The following FCHSD1 variants were observed in gnomAD, a reference collection of about 807,000 sequenced individuals.
The protein encoded by FCHSD1 is FCH and double SH3 domains 1, also known as F-BAR and double SH3 domains protein 1.
A neutral mutation model predicts 101.3 loss-of-function variants in FCHSD1; 109 were observed. That is an observed-to-expected ratio of 1.08 (90% CI 0.92 to 1.26). FCHSD1 has a LOEUF of 1.26. Among genes scored for constraint, FCHSD1 ranks in the 50% most tolerant of loss-of-function variants. The probability of loss-of-function intolerance (pLI) is 0.00; values close to 1 mark genes in which losing one functional copy is unlikely to be tolerated. For synonymous variants in FCHSD1, 291 were observed against 356.8 expected, an observed-to-expected ratio of 0.82 and a Z score of 2.08; for missense variants, 820 against 895.8, an observed-to-expected ratio of 0.92 and a Z score of 1.08.
chr5:141,646,404 C>T, intron 11 of FCHSD1, 199 bp downstream of exon 11: 1 of 994,596 alleles, frequency 1.0e-6, no homozygotes. Flanking sequence ...AACTAGGAAG[C>T]AACAGAAGAG....
rs1410552956 is a variant in FCHSD1 at position 141,639,396 on chromosome 5, A to T, written c.*2102T>A. ...GGGGTTTTAAGGAGCATGCTGAAAG[A>T]ACGTAAGAAACAAAACATGAAGGGA... is the stretch of plus-strand genomic sequence containing the variant. On this transcript the variant is annotated 3_prime_UTR_variant, in exon 20 of 20. Coordinates refer to ENST00000435817, the MANE Select transcript of FCHSD1 (RefSeq NM_033449.3). This position sits in a 1 kb window ranked among gnomAD's most constrained non-coding sequence, Gnocchi z 4.4. The T allele has an allele frequency of 7.3e-7, 1 of 1,362,662 alleles. No homozygotes were observed. Among genetic ancestry groups the T allele is most frequent in the African/African-American group, 1.5e-5 (1 of 68,690 alleles). The allele number at this position is 1,362,662 out of a possible 1,614,324, so 84.4% of individuals were successfully genotyped here.
Position 141,640,388 on chromosome 5 carries a change from G to C in FCHSD1, c.*1110C>G, listed in dbSNP as rs775287532. 9 of 1,614,022 alleles carry C rather than the reference G, an allele frequency of 5.6e-6. No individual in the cohort carries two copies. In the African/African-American group the frequency reaches 8.0e-5, roughly 14 times the overall value. On this transcript the variant is annotated 3_prime_UTR_variant, in exon 20 of 20. Transcript: ENST00000435817. Reference sequence around the variant, plus strand: ...TAGGACCTACTCCTGGTCTCTCATTGTTGACCCCTCCCCTTTCTCTCAGGT... The same window carrying C: ...TAGGACCTACTCCTGGTCTCTCATTCTTGACCCCTCCCCTTTCTCTCAGGT...
At chr5:141,648,267 T>C (rs1448356782) in intron 7 of FCHSD1, among the ~76,000 whole-genome samples, 171 bp from the exon 8 acceptor site, 1 of 152,212 alleles carries the variant, frequency 6.6e-6, no homozygotes, top group East Asian at 1.9e-4. Context: ...AATCTTCTAG[T>C]GCCTTCTGCA....
At position 141,645,791 on chromosome 5, in the gene FCHSD1, G is replaced by C. The variant is rs1481549056; in HGVS notation, c.1291C>G (p.Gln431Glu). 6.2e-7 allele frequency: 1 copy of C among 1,611,342 alleles called. No individual in the cohort carries two copies. The highest frequency in any genetic ancestry group is 2.2e-5 in the East Asian group (1 of 44,778). ...CTCACGGTTGGAGAGAGGTCCCTCT[G>C]GGACAGCCGAGCCTCACTGAGCCGC... ...ERRLSEARLS[Q>E]RDLSPTAEDA... is the part of the protein sequence containing the mutation. The change falls in exon 13 of 20, where the codon CAG becomes GAG. Residue 431 changes from glutamine (Q) to glutamate (E), a missense_variant. Physicochemically the swap from Gln to Glu is conservative, Grantham distance 29 (BLOSUM62 2). Coordinates refer to ENST00000435817, the MANE Select transcript of FCHSD1 (RefSeq NM_033449.3).
chr5:141,642,817 A>G, intron 18 of FCHSD1, 184 bp downstream of exon 18: 1 of 583,518 alleles, frequency 1.7e-6, no homozygotes, highest in Non-Finnish European at 3.0e-6. Context: ...GAATCCCACC[A>G]CACACTTGGA....
At position 141,649,447 on chromosome 5, in the gene FCHSD1, CG is replaced by C. The variant is rs759094833; in HGVS notation, c.322del (p.Arg108ValfsTer3). Reference sequence around the variant, plus strand: ...CCGCCCTGTACCCCCTGCTAGGTCACGGTATCGGTCAGACGCCTGGAGTCGG... The same window carrying C: ...CCGCCCTGTACCCCCTGCTAGGTCACGTATCGGTCAGACGCCTGGAGTCGG... ...QTRLQASDRY[R>X]DLAGGTGRSA... On this transcript the variant is annotated frameshift_variant, in exon 5 of 20. Coordinates refer to ENST00000435817, the MANE Select transcript of FCHSD1 (RefSeq NM_033449.3). LOFTEE classifies it high-confidence loss of function. This position sits in a 1 kb window ranked among gnomAD's most constrained non-coding sequence, Gnocchi z 4.1. 3 of 1,614,012 alleles carry C rather than the reference CG, an allele frequency of 1.9e-6. No homozygotes were observed. The Admixed American group carries it at 5.0e-5, about 27-fold the overall frequency.
At position 141,647,503 on chromosome 5, in the gene FCHSD1, C is replaced by G; in HGVS notation, c.723G>C (p.Leu241=). The change falls in exon 9 of 20, where the codon CTG becomes CTC. Residue 241 remains leucine, a synonymous_variant. Transcript: ENST00000435817. ...TCAGGGGGTCCCTCAAGTGCTCTGA[C>G]AGCTCACTGACCAGGGCCTAGAGAG... The part of the protein sequence containing the change: ...PALLKALVSE[L]SEHLRDPLTS... 1 of 1,612,986 alleles carries G rather than the reference C, an allele frequency of 6.2e-7. No homozygotes were observed. The highest frequency in any genetic ancestry group is 8.5e-7 in the Non-Finnish European group (1 of 1,179,606).
Position 141,640,107 on chromosome 5 carries a change from G to C in FCHSD1, c.*1391C>G, listed in dbSNP as rs779178806. 1.2e-6 allele frequency: 2 copies of C among 1,613,848 alleles called. No homozygotes were observed. The highest frequency in any genetic ancestry group is 1.7e-5 in the Admixed American group (1 of 60,012). ...GCCCCCTGAGAGGCCACAGCCCCAG[G>C]TCCTAGCCAGCCCCCCAGTACAGAA... On this transcript the variant is annotated 3_prime_UTR_variant, in exon 20 of 20. Transcript: ENST00000435817.
chr5:141,640,105 A>G lies in FCHSD1; in HGVS notation c.*1393T>C, dbSNP rs757716395. 1.9e-6 allele frequency: 3 copies of G among 1,613,774 alleles called. No homozygotes were observed. The highest frequency in any genetic ancestry group is 2.5e-6 in the Non-Finnish European group (3 of 1,179,844). Reference sequence around the variant, plus strand: ...CTGCCCCCTGAGAGGCCACAGCCCCAGGTCCTAGCCAGCCCCCCAGTACAG... The same window carrying G: ...CTGCCCCCTGAGAGGCCACAGCCCCGGGTCCTAGCCAGCCCCCCAGTACAG... On this transcript the variant is annotated 3_prime_UTR_variant, in exon 20 of 20. Coordinates refer to ENST00000435817, the MANE Select transcript of FCHSD1 (RefSeq NM_033449.3).
At chr5:141,642,269 T>C (rs2099907010) in intron 18 of FCHSD1, 1 of 564,642 alleles carries the variant, frequency 1.8e-6, no homozygotes, top group Admixed American at 3.6e-5. Flanking sequence ...AAATATTGCA[T>C]GTTCTCACTT....
intron 2 of FCHSD1, 111 bp from the exon 3 acceptor site, chr5:141,650,515 G>T: frequency 8.0e-7 from 1 of 1,243,394 alleles, no homozygotes; most frequent in Non-Finnish European, 1.2e-6. Context: ...GGGGGAGCCA[G>T]GTTCCTAGAG....
Position 141,639,440 on chromosome 5 carries a change from A to G in FCHSD1, c.*2058T>C. The G allele has an allele frequency of 6.4e-7, 1 of 1,565,506 alleles. No individual in the cohort carries two copies. The highest frequency in any genetic ancestry group is 8.7e-7 in the Non-Finnish European group (1 of 1,150,150). ...GAAGGGAAATGGAAATGTTACCCTC[A>G]CTCCCCTCCTCCCTGCTGTCCAGTG... On this transcript the variant is annotated 3_prime_UTR_variant, in exon 20 of 20. Transcript: ENST00000435817. The surrounding 1 kb of genome is among the most constrained non-coding windows in gnomAD (Gnocchi z 4.4).
chr5:141,641,468 C>T lies in FCHSD1; in HGVS notation c.*30G>A, dbSNP rs1198534929. ...GACAGCTTGAAGATAGGGACAGCAGCATCACTGGGGGTCAAGGCTTCCCTG... is the reference window on the plus strand; with the variant it reads ...GACAGCTTGAAGATAGGGACAGCAGTATCACTGGGGGTCAAGGCTTCCCTG... On this transcript the variant is annotated 3_prime_UTR_variant, in exon 20 of 20. Coordinates refer to ENST00000435817, the MANE Select transcript of FCHSD1 (RefSeq NM_033449.3). 1.4e-6 allele frequency: 2 copies of T among 1,460,342 alleles called. No individual in the cohort carries two copies. Among genetic ancestry groups the T allele is most frequent in the Non-Finnish European group, 1.8e-6 (2 of 1,103,616 alleles). 90.5% of individuals were successfully genotyped at this position (1,460,342 alleles called of 1,614,324 possible).
At position 141,640,943 on chromosome 5, in the gene FCHSD1, C is replaced by A. The variant is rs1371681045; in HGVS notation, c.*555G>T. The A allele has an allele frequency of 3.9e-6, 2 of 511,500 alleles. No individual in the cohort carries two copies. Among genetic ancestry groups the A allele is most frequent in the Non-Finnish European group, 3.4e-6 (1 of 290,436 alleles). The allele number at this position is 511,500 out of a possible 1,614,324, so 31.7% of individuals were successfully genotyped here. On this transcript the variant is annotated 3_prime_UTR_variant, in exon 20 of 20. Coordinates refer to ENST00000435817, the MANE Select transcript of FCHSD1 (RefSeq NM_033449.3). ...GTGGCAGCTGGGAGCAGGCCCCTGC[C>A]CGTGGTGGGCCCCTAAAGCAATAGC...
rs760231612 is a variant in FCHSD1, at chr5:141,643,098, G to A, written c.1864-10C>T. The A allele has an allele frequency of 8.2e-6, 12 of 1,462,072 alleles. No homozygotes were observed. In the South Asian group the frequency reaches 1.5e-4, roughly 19 times the overall value. 90.6% of individuals were successfully genotyped at this position (1,462,072 alleles called of 1,614,324 possible). ...AAGGGGACGGCAGCATCTGGAGGTG[G>A]GGTGGGCACAGAGTTATTCCTGGCA... is the stretch of plus-strand genomic sequence containing the variant. On this transcript the variant is annotated splice_polypyrimidine_tract_variant and intron_variant, in intron 17 of 19. Coordinates refer to ENST00000435817, the MANE Select transcript of FCHSD1 (RefSeq NM_033449.3).
chr5:141,643,098 G>C lies in FCHSD1; in HGVS notation c.1864-10C>G, dbSNP rs760231612. 6.8e-7 allele frequency: 1 copy of C among 1,462,190 alleles called. No homozygotes were observed. The highest frequency in any genetic ancestry group is 1.4e-5 in the South Asian group (1 of 71,254). 90.6% of individuals were successfully genotyped at this position (1,462,190 alleles called of 1,614,324 possible). On this transcript the variant is annotated splice_polypyrimidine_tract_variant and intron_variant, in intron 17 of 19. Coordinates refer to ENST00000435817, the MANE Select transcript of FCHSD1 (RefSeq NM_033449.3). The stretch of plus-strand genomic sequence containing the variant: ...AAGGGGACGGCAGCATCTGGAGGTG[G>C]GGTGGGCACAGAGTTATTCCTGGCA...
rs778742907 is a variant in FCHSD1 at position 141,639,548 on chromosome 5, T to C, written c.*1950A>G. On this transcript the variant is annotated 3_prime_UTR_variant, in exon 20 of 20. Transcript: ENST00000435817. This position sits in a 1 kb window ranked among gnomAD's most constrained non-coding sequence, Gnocchi z 4.4. ...TGGGCTCTGCAGCCCCTTGCCTCCA[T>C]TGCAGCCGCAGCAAGAGGCCTCCAC... 2 of 1,613,936 alleles carry C rather than the reference T, an allele frequency of 1.2e-6. No homozygotes were observed. Among genetic ancestry groups the C allele is most frequent in the Non-Finnish European group, 1.7e-6 (2 of 1,179,976 alleles).
At position 141,640,002 on chromosome 5, in the gene FCHSD1, G is replaced by T; in HGVS notation, c.*1496C>A. ...CCCCACAGACAGGAGCTGGGGCTCT[G>T]GTGGGGGACAGGACCCAGGGGGTGG... On this transcript the variant is annotated 3_prime_UTR_variant, in exon 20 of 20. Transcript: ENST00000435817. 6.2e-7 allele frequency: 1 copy of T among 1,613,496 alleles called. No homozygotes were observed. Among genetic ancestry groups the T allele is most frequent in the Non-Finnish European group, 8.5e-7 (1 of 1,179,750 alleles).
At chr5:141,651,290 C>T in intron 1 of FCHSD1, 58 bp downstream of exon 1, 4 of 1,551,188 alleles carry the variant, frequency 2.6e-6, no homozygotes, top group African/African-American at 2.7e-5. Context: ...TCGGATGCCC[C>T]CTTAGCTCCC....
Sources: gnomAD v4.1 joint callset for allele counts (sites outside exome capture counted in the v4.1 genomes callset) on GRCh38, gnomAD v4.1.1 for gene constraint, Gnocchi (gnomAD v3.1) non-coding constraint, MANE v1.5 for transcripts, NCBI Gene and HGNC (gene_info 2026-07-23, HGNC 2026-07-21) for gene names.